The following ALK variants were observed in gnomAD, a reference collection of about 807,000 sequenced individuals.
ALK encodes the protein ALK tyrosine kinase receptor.
ALK carries 74 observed loss-of-function variants against 163.1 expected under a neutral mutation model. The observed-to-expected ratio is 0.45, with a 90% CI of 0.38 to 0.55. ALK has a LOEUF of 0.55. Among genes scored for constraint, ALK ranks in the 20% least tolerant of loss-of-function variants. The pLI, the probability that ALK is intolerant of heterozygous loss-of-function variation, is 0.00. For missense variants in ALK, 2,063 were observed against 2,105.3 expected, an observed-to-expected ratio of 0.98 and a Z score of 0.39; for synonymous variants, 960 against 843.2, an observed-to-expected ratio of 1.14 and a Z score of -2.40.
intron 3 of ALK, among the ~76,000 whole-genome samples, chr2:29,646,336 C>G (rs1414265273): frequency 2.0e-5 from 3 of 152,130 alleles, no homozygotes; most frequent in Non-Finnish European, 2.9e-5. Context: ...GCATCTGATA[C>G]AAGTTGTCTT....
At chr2:29,324,214 A>G (rs1045550404) in intron 6 of ALK, among the ~76,000 whole-genome samples, 2 of 152,232 alleles carry the variant, frequency 1.3e-5, no homozygotes, top group Non-Finnish European at 2.9e-5. Flanking sequence ...TAAGAGAGAC[A>G]AATTGGTACA....
At chr2:29,772,908 A>G (rs1229443405) in intron 1 of ALK, among the ~76,000 whole-genome samples, 1 of 152,192 alleles carries the variant, frequency 6.6e-6, no homozygotes, top group Non-Finnish European at 1.5e-5. Context: ...CAACACAAGG[A>G]CTTCTGTGTA....
intron 1 of ALK, among the ~76,000 whole-genome samples, chr2:29,828,152 A>G (rs185204712): frequency 1.3e-5 from 2 of 152,224 alleles, no homozygotes; most frequent in Non-Finnish European, 2.9e-5. Context: ...CTTACACCTT[A>G]TACAAAAATT....
intron 4 of ALK, among the ~76,000 whole-genome samples, chr2:29,411,846 G>C (rs923618346): frequency 3.9e-5 from 6 of 152,280 alleles, no homozygotes; most frequent in African/African-American, 1.2e-4. Context: ...CAGCCTTGTT[G>C]ATTTTTGCAA....
At position 29,227,651 on chromosome 2, in the gene ALK, T is replaced by C. The variant is rs754196355; in HGVS notation, c.2837A>G (p.Asn946Ser). The C allele has an allele frequency of 1.9e-6, 3 of 1,613,908 alleles. No individual in the cohort carries two copies. The highest frequency in any genetic ancestry group is 2.5e-6 in the Non-Finnish European group (3 of 1,180,034). Residue 946 changes from asparagine (N) to serine (S), a missense_variant, in exon 17 of 29, where the codon AAT (asparagine) becomes AGT (serine). Around this residue, in one of 5 missense-constraint regions of ALK, gnomAD observed 575 missense variants for 626.6 expected, o/e 0.92. Coordinates refer to ENST00000389048, the MANE Select transcript of ALK (RefSeq NM_004304.5). The surrounding 1 kb of genome is among the most constrained non-coding windows in gnomAD (Gnocchi z 4.4). ...GYIGGNAASN[N>S]DPEMDGEDGV... is the part of the protein sequence containing the mutation. ...ATCTTCCCCATCCATTTCGGGGTCATTGTTTGAGGCTGCATTGCCGCCTGA... is the reference window on the plus strand; with the variant it reads ...ATCTTCCCCATCCATTTCGGGGTCACTGTTTGAGGCTGCATTGCCGCCTGA...
At chr2:29,813,067 T>G (rs1465422401) in intron 1 of ALK, among the ~76,000 whole-genome samples, 2 of 152,154 alleles carry the variant, frequency 1.3e-5, no homozygotes, top group African/African-American at 4.8e-5. Context: ...AGAGATAAAC[T>G]TCATGGGATT....
chr2:29,252,361 T>C (rs540632531), intron 11 of ALK, among the ~76,000 whole-genome samples: 1 of 152,308 alleles, frequency 6.6e-6, no homozygotes, highest in Admixed American at 6.5e-5. Context: ...TTGCAGAAAT[T>C]CCCTTAAAAG....
At chr2:29,463,056 C>T (rs1442309308) in intron 4 of ALK, among the ~76,000 whole-genome samples, 1 of 152,034 alleles carries the variant, frequency 6.6e-6, no homozygotes, top group Non-Finnish European at 1.5e-5. Context: ...TCAAAGTAGT[C>T]TTATAACATA....
rs111317838 is a variant in ALK at position 29,390,664 on chromosome 2, T to C, written c.1155-6805A>G. On this transcript the variant is annotated intron_variant, in intron 4 of 28. Transcript: ENST00000389048. ...CAACTTTCAAATTTTCCTTAAAATA[T>C]ACTTTGTAGTAATTCTGTAGCAAAT... Among the ~76,000 whole-genome samples the C allele has an allele frequency of 1.7e-3, 256 of 152,294 alleles. 2 individuals are homozygous for C. The highest frequency in any genetic ancestry group is 5.9e-3 in the African/African-American group (246 of 41,568).
chr2:29,849,915 ATT>A (rs1463900812), intron 1 of ALK, among the ~76,000 whole-genome samples: 1 of 151,998 alleles, frequency 6.6e-6, no homozygotes, highest in Admixed American at 6.5e-5. Flanking sequence ...TTCTTTTTTT[ATT>A]TGTTTCCATT....
intron 8 of ALK, among the ~76,000 whole-genome samples, chr2:29,315,491 ACT>A (rs1237123090): frequency 1.3e-5 from 2 of 151,694 alleles, no homozygotes; most frequent in Non-Finnish European, 2.9e-5. Flanking sequence ...CAGGAGGAAA[ACT>A]CTCTGCATGG....
At chr2:29,764,287 G>T (rs1250572172) in intron 1 of ALK, among the ~76,000 whole-genome samples, 6 of 152,238 alleles carry the variant, frequency 3.9e-5, no homozygotes, top group Non-Finnish European at 8.8e-5. Context: ...AGAGGTGCCT[G>T]GGGGTGGTCC....
chr2:29,721,688 T>C (rs1327129874), intron 1 of ALK, among the ~76,000 whole-genome samples: 1 of 152,228 alleles, frequency 6.6e-6, no homozygotes, highest in Non-Finnish European at 1.5e-5. Flanking sequence ...TTCACTTAGG[T>C]GCTAGTCTCG....
chr2:29,875,997 C>A (rs960208510), intron 1 of ALK, among the ~76,000 whole-genome samples: 1 of 152,160 alleles, frequency 6.6e-6, no homozygotes, highest in Non-Finnish European at 1.5e-5. Flanking sequence ...TGGCCCTCCC[C>A]ACCCTTGTCT....
intron 2 of ALK, among the ~76,000 whole-genome samples, chr2:29,711,238 C>T (rs1249270509): frequency 6.6e-6 from 1 of 152,202 alleles, no homozygotes; most frequent in Admixed American, 6.5e-5. Flanking sequence ...CAACCTTTGC[C>T]ACAGAGCTTG....
At chr2:29,370,460 C>T (rs1429183319) in intron 5 of ALK, among the ~76,000 whole-genome samples, 1 of 152,184 alleles carries the variant, frequency 6.6e-6, no homozygotes, top group Admixed American at 6.5e-5. Context: ...CTTGGGCTGC[C>T]CGTCCCTGTA....
At chr2:29,870,055 A>G (rs111319101) in intron 1 of ALK, among the ~76,000 whole-genome samples, 1 of 152,220 alleles carries the variant, frequency 6.6e-6, no homozygotes, top group Non-Finnish European at 1.5e-5. Context: ...AGTCTCATAC[A>G]TTGCTGGTAG....
rs760840075 is a variant in ALK, at chr2:29,717,714, A to T, written c.668-17T>A. On this transcript the variant is annotated splice_polypyrimidine_tract_variant and intron_variant, in intron 1 of 28. Coordinates refer to ENST00000389048, the MANE Select transcript of ALK (RefSeq NM_004304.5). ...AGCTATGACCTGGACATAAAAATAA[A>T]GAAAACACTGATCCATGTGCTTGGG... is the stretch of plus-strand genomic sequence containing the variant. The T allele has an allele frequency of 2.5e-6, 4 of 1,613,976 alleles. No individual in the cohort carries two copies. The South Asian group carries it at 4.4e-5, about 18-fold the overall frequency.
intron 4 of ALK, among the ~76,000 whole-genome samples, chr2:29,422,982 A>G (rs1320256352): frequency 6.6e-6 from 1 of 151,694 alleles, no homozygotes; most frequent in Non-Finnish European, 1.5e-5. Context: ...AAATGTCATC[A>G]ACAATGCCAG....
Sources: allele counts gnomAD v4.1 joint callset (sites outside exome capture counted in the v4.1 genomes callset), GRCh38; gene constraint gnomAD v4.1.1; regional missense constraint gnomAD v4.1.1; non-coding constraint Gnocchi (gnomAD v3.1); transcripts MANE v1.5; gene names NCBI Gene and HGNC (gene_info 2026-07-23, HGNC 2026-07-21).